DOCK1: variants seen among roughly 807,000 people sequenced by gnomAD.
The protein encoded by DOCK1 is dedicator of cytokinesis protein 1.
A neutral mutation model predicts 262.7 loss-of-function variants in DOCK1; 138 were observed. The observed-to-expected ratio is 0.53, with a 90% CI of 0.46 to 0.61. DOCK1 has a LOEUF of 0.61. DOCK1 is among the 20% of genes least tolerant of loss of function. The pLI is 0.00. For missense variants in DOCK1, 1,908 were observed against 2,370.7 expected (o/e 0.80, Z 4.05); for synonymous variants, 866 against 867.4 (o/e 1.00, Z 0.03).
chr10:127,052,448 C>G (rs1185902574), intron 21 of DOCK1, among the ~76,000 whole-genome samples: 1 of 151,264 alleles, frequency 6.6e-6, no homozygotes, highest in Admixed American at 6.6e-5. Context: ...CACTTGAGCC[C>G]GGAAGGCAGA....
chr10:127,202,298 GGGTGACAGAGC>G (rs1425477206), intron 27 of DOCK1, among the ~76,000 whole-genome samples: 1 of 151,832 alleles, frequency 6.6e-6, no homozygotes, highest in Non-Finnish European at 1.5e-5. Context: ...ATTCCAGCCT[GGGTGACAGAGC>G]GAGACTCTGT....
chr10:127,219,495 C>T (rs150867361), intron 27 of DOCK1, among the ~76,000 whole-genome samples: 7 of 152,116 alleles, frequency 4.6e-5, no homozygotes, highest in Non-Finnish European at 1.5e-5. Context: ...AAATATATAT[C>T]ACATAGAATT....
At chr10:126,992,745 C>CAG (rs2039884177) in intron 6 of DOCK1, among the ~76,000 whole-genome samples, 3 of 136,584 alleles carry the variant, frequency 2.2e-5, no homozygotes, top group Admixed American at 1.5e-4. Flanking sequence ...CAGACACACA[C>CAG]ACACACACAC....
chr10:126,960,872 G>GA (rs1216331239), intron 1 of DOCK1, among the ~76,000 whole-genome samples: 81 of 136,290 alleles, frequency 5.9e-4, no homozygotes, highest in African/African-American at 7.7e-4. Flanking sequence ...GAACCCAATA[G>GA]AAAAAAAAAA....
chr10:127,253,537 T>C lies in DOCK1; in HGVS notation c.2950-3798T>C, dbSNP rs374943981. Among the ~76,000 whole-genome samples the C allele has an allele frequency of 1.1e-4, 16 of 152,260 alleles. No individual in the cohort carries two copies. In the East Asian group the frequency reaches 1.9e-3, roughly 18 times the overall value. ...AGTGTTTTACTTATTCTCTTTCCAC[T>C]GTGGATCACAAAAAATTTTACAAAT... is the stretch of plus-strand genomic sequence containing the variant. On this transcript the variant is annotated intron_variant, in intron 28 of 51. Transcript: ENST00000623213.
At position 127,268,633 on chromosome 10, in the gene DOCK1, C is replaced by T. The variant is rs943252235; in HGVS notation, c.3044+11204C>T. ...TGCCATGTGACCTCAGCCAAACCAG[C>T]GCCCTCTAGAACAAATAATAGCAGC... On this transcript the variant is annotated intron_variant, in intron 29 of 51. Transcript: ENST00000623213. Among the ~76,000 whole-genome samples the T allele has an allele frequency of 2.0e-5, 3 of 152,170 alleles. No homozygotes were observed. The Middle Eastern group carries it at 0.01, about 518-fold the overall frequency.
intron 29 of DOCK1, among the ~76,000 whole-genome samples, chr10:127,327,162 A>T (rs2062779816): frequency 6.6e-6 from 1 of 152,254 alleles, no homozygotes; most frequent in African/African-American, 2.4e-5. Flanking sequence ...CAGCTGCCTT[A>T]GCCCCCGGCT....
At chr10:127,071,476 C>G (rs574622750) in intron 23 of DOCK1, among the ~76,000 whole-genome samples, 22 of 152,228 alleles carry the variant, frequency 1.4e-4, no homozygotes, top group Non-Finnish European at 2.8e-4. Flanking sequence ...AAAATCATCT[C>G]TCTTCCACCG....
chr10:127,175,738 G>A lies in DOCK1; in HGVS notation c.2847+47974G>A. ...GCCCTCCCGAGCAGCTGGTAATCGG[G>A]CTCTTCGGATGGAGGCCGAGTGGAG... is the stretch of plus-strand genomic sequence containing the variant. On this transcript the variant is annotated intron_variant, in intron 27 of 51. Coordinates refer to ENST00000623213, the MANE Select transcript of DOCK1 (RefSeq NM_001290223.2). The surrounding 1 kb of genome is among the most constrained non-coding windows in gnomAD (Gnocchi z 6.3). 1 of 1,614,076 alleles carries A rather than the reference G, an allele frequency of 6.2e-7. No individual in the cohort carries two copies. Among genetic ancestry groups the A allele is most frequent in the Non-Finnish European group, 8.5e-7 (1 of 1,180,036 alleles).
At chr10:126,912,022 T>C (rs1355553113) in intron 1 of DOCK1, among the ~76,000 whole-genome samples, 6 of 152,186 alleles carry the variant, frequency 3.9e-5, no homozygotes, top group Non-Finnish European at 7.3e-5. Context: ...CAAGGTGTTT[T>C]GGTGGTTGGT....
intron 27 of DOCK1, among the ~76,000 whole-genome samples, chr10:127,190,904 C>T (rs1029159544): frequency 1.3e-5 from 2 of 152,028 alleles, no homozygotes; most frequent in Non-Finnish European, 2.9e-5. Context: ...AACTCCTCTC[C>T]TCTGGTTTGC....
At chr10:127,401,101 G>C (rs974280981) in intron 38 of DOCK1, among the ~76,000 whole-genome samples, 1 of 151,948 alleles carries the variant, frequency 6.6e-6, no homozygotes, top group Non-Finnish European at 1.5e-5. Context: ...AAGCAACTCA[G>C]CTCAAGAGGA....
intron 1 of DOCK1, among the ~76,000 whole-genome samples, chr10:126,926,392 A>T (rs908375055): frequency 2.6e-5 from 4 of 152,120 alleles, no homozygotes; most frequent in Non-Finnish European, 5.9e-5. Flanking sequence ...AGACAAAAGA[A>T]AAAAAAGAAC....
chr10:127,429,127 G>A (rs1429265927), intron 47 of DOCK1, among the ~76,000 whole-genome samples: 1 of 151,996 alleles, frequency 6.6e-6, no homozygotes, highest in Non-Finnish European at 1.5e-5. Flanking sequence ...CTTGGTTGGA[G>A]CTTATTTCCA....
intron 23 of DOCK1, among the ~76,000 whole-genome samples, chr10:127,075,906 C>G (rs910293256): frequency 1.3e-5 from 2 of 152,150 alleles, no homozygotes; most frequent in East Asian, 1.9e-4. Context: ...GCACTTTATA[C>G]TTTTATTATT....
At chr10:127,153,801 A>G (rs376140868) in intron 27 of DOCK1, 9 of 1,405,142 alleles carry the variant, frequency 6.4e-6, no homozygotes, top group South Asian at 3.5e-5. Context: ...GTGGGTAAAC[A>G]TCATTTGTCA....
At chr10:127,232,988 T>C (rs1303237299) in intron 27 of DOCK1, among the ~76,000 whole-genome samples, 2 of 152,244 alleles carry the variant, frequency 1.3e-5, no homozygotes, top group Non-Finnish European at 2.9e-5. Flanking sequence ...AATTTGGCTC[T>C]TCACCATGTG....
At chr10:127,261,488 TCTG>T (rs1352771069) in intron 29 of DOCK1, among the ~76,000 whole-genome samples, 1 of 140,956 alleles carries the variant, frequency 7.1e-6, no homozygotes, top group African/African-American at 2.7e-5. Flanking sequence ...CCCGTGCTCA[TCTG>T]TGTGTGTGCA....
chr10:127,170,470 G>A (rs765791373), intron 27 of DOCK1, among the ~76,000 whole-genome samples: 2 of 152,176 alleles, frequency 1.3e-5, no homozygotes, highest in African/African-American at 2.4e-5. Flanking sequence ...AGCTTCTCAC[G>A]ATCATTTCTG....
Sources: allele counts gnomAD v4.1 joint callset (sites outside exome capture counted in the v4.1 genomes callset), GRCh38; gene constraint gnomAD v4.1.1; non-coding constraint Gnocchi (gnomAD v3.1); transcripts MANE v1.5; gene names NCBI Gene and HGNC (gene_info 2026-07-23, HGNC 2026-07-21).